Variants in UTRN observed in about 807,000 individuals in gnomAD.
The protein encoded by UTRN is dystrophin-related protein 1.
UTRN carries 283 observed loss-of-function variants against 463.9 expected under a neutral mutation model. The ratio of observed to expected loss-of-function variants is 0.61; its 90% CI spans 0.55 to 0.67. The LOEUF (loss-of-function observed/expected upper bound fraction) is 0.67. Ranked by LOEUF, UTRN falls within the 30% of genes least tolerant of loss-of-function variation. The pLI, the probability that UTRN is intolerant of heterozygous loss-of-function variation, is 0.00. For missense variants in UTRN, 3,922 were observed against 4,084.3 expected, an observed-to-expected ratio of 0.96 and a Z score of 1.08; for synonymous variants, 1,442 against 1,431.5, an observed-to-expected ratio of 1.01 and a Z score of -0.17.
At chr6:144,780,147 A>G (rs1775690013) in intron 60 of UTRN, among the ~76,000 whole-genome samples, 1 of 152,224 alleles carries the variant, frequency 6.6e-6, no homozygotes, top group Non-Finnish European at 1.5e-5. Context: ...AAATGGATAA[A>G]TACAAAGGAA....
intron 51 of UTRN, among the ~76,000 whole-genome samples, chr6:144,637,346 T>C (rs1020715831): frequency 3.3e-5 from 5 of 152,156 alleles, no homozygotes; most frequent in Non-Finnish European, 5.9e-5. Context: ...TACTCTGCCC[T>C]GTACTATCTT....
rs1224302297 is a variant in UTRN, at chr6:144,851,130, C to G, written c.*133C>G. On this transcript the variant is annotated 3_prime_UTR_variant, in exon 75 of 75. Transcript: ENST00000367545. The stretch of plus-strand genomic sequence containing the variant: ...CGATGTTGAGTGCTGACTGTGTGTT[C>G]TACTGAAAGAGTAAAACACTGACTA... 13 of 1,137,160 alleles carry G rather than the reference C, an allele frequency of 1.1e-5. No homozygotes were observed. Among genetic ancestry groups the G allele is most frequent in the Non-Finnish European group, 1.7e-5 (13 of 751,284 alleles). 70.4% of individuals were successfully genotyped at this position (1,137,160 alleles called of 1,614,324 possible).
chr6:144,698,121 T>C (rs1784208075), intron 52 of UTRN, among the ~76,000 whole-genome samples: 1 of 152,208 alleles, frequency 6.6e-6, no homozygotes, highest in Non-Finnish European at 1.5e-5. Context: ...CAAAATGGCT[T>C]AGAACTACAG....
At chr6:144,682,486 TG>T (rs1782301865) in intron 52 of UTRN, among the ~76,000 whole-genome samples, 2 of 152,250 alleles carry the variant, frequency 1.3e-5, no homozygotes, top group African/African-American at 4.8e-5. Context: ...TCCTTTCTTT[TG>T]GGTATATAGC....
chr6:144,329,433 A>G (rs572783524), intron 2 of UTRN, among the ~76,000 whole-genome samples: 287 of 152,296 alleles, frequency 1.9e-3, no homozygotes, highest in African/African-American at 6.1e-3. Flanking sequence ...CCATGCATAC[A>G]GTTACCAAAA....
intron 55 of UTRN, among the ~76,000 whole-genome samples, chr6:144,750,504 T>C (rs1791275141): frequency 6.6e-6 from 1 of 152,160 alleles, no homozygotes; most frequent in South Asian, 2.1e-4. Context: ...GTTCTCACCC[T>C]GACTCTAGTC....
intron 61 of UTRN, among the ~76,000 whole-genome samples, chr6:144,783,431 T>C (rs745760990): frequency 5.9e-5 from 9 of 152,174 alleles, no homozygotes; most frequent in Non-Finnish European, 1.0e-4. Flanking sequence ...CTGGATTTTT[T>C]TTCTATTCCT....
intron 2 of UTRN, among the ~76,000 whole-genome samples, chr6:144,384,374 G>C (rs1415172457): frequency 6.6e-6 from 1 of 152,114 alleles, no homozygotes; most frequent in Admixed American, 6.6e-5. Flanking sequence ...ATTGTGGACT[G>C]TGCATGTGAG....
chr6:144,301,536 C>CTTT (rs200484231), intron 2 of UTRN, among the ~76,000 whole-genome samples: 116 of 92,754 alleles, frequency 1.3e-3, no homozygotes, highest in Non-Finnish European at 2.0e-3. Context: ...TTCTTTCTTT[C>CTTT]TTTTTTTTTT....
chr6:144,466,763 G>A (rs189688696), intron 23 of UTRN, among the ~76,000 whole-genome samples: 49 of 152,180 alleles, frequency 3.2e-4, no homozygotes, highest in African/African-American at 1.1e-3. Flanking sequence ...TTCATATTAC[G>A]TACTTCCTTT....
At chr6:144,632,599 C>A (rs1420270833) in intron 51 of UTRN, among the ~76,000 whole-genome samples, 3 of 152,100 alleles carry the variant, frequency 2.0e-5, no homozygotes, top group Non-Finnish European at 4.4e-5. Context: ...AAACTCCTTT[C>A]TCTGATACCT....
chr6:144,635,530 C>CTTTTTTT (rs1562685915), intron 51 of UTRN, among the ~76,000 whole-genome samples: 21 of 59,074 alleles, frequency 3.6e-4, no homozygotes, highest in South Asian at 1.3e-3. Flanking sequence ...TTTTTTTTTT[C>CTTTTTTT]TTTTCTTTTT....
Position 144,828,852 on chromosome 6 carries a change from G to A in UTRN, c.9662G>A (p.Ser3221Asn). 6.2e-7 allele frequency: 1 copy of A among 1,613,296 alleles called. No homozygotes were observed. The highest frequency in any genetic ancestry group is 8.5e-7 in the Non-Finnish European group (1 of 1,179,516). ...FLTDSSSTTG[S>N]VEDEHALIQQ... ...ACTGATAGCAGCTCCACCACAGGAA[G>A]TGTGTAAGTAAATCATGAAATTAGT... The change falls in exon 69 of 75, where the codon AGT becomes AAT. Residue 3221 changes from serine to asparagine, a missense_variant. Physicochemically the swap from Ser to Asn is conservative, Grantham distance 46. Around this residue, in one of 3 missense-constraint regions of UTRN, gnomAD observed 1,309 missense variants for 1,452.6 expected, o/e 0.90. Transcript: ENST00000367545.
At chr6:144,480,081 A>C (rs2128572929) in intron 26 of UTRN, 99 bp downstream of exon 26, 1 of 1,340,458 alleles carries the variant, frequency 7.5e-7, no homozygotes, top group East Asian at 2.5e-5. Context: ...CACTATGTGC[A>C]TGTAGCATCT....
chr6:144,422,446 A>G (rs1018452676), intron 4 of UTRN, among the ~76,000 whole-genome samples: 1 of 152,164 alleles, frequency 6.6e-6, no homozygotes, highest in African/African-American at 2.4e-5. Flanking sequence ...GTGAAACCCC[A>G]TCTCTACTAA....
chr6:144,743,069 A>G (rs1170901102), intron 54 of UTRN, among the ~76,000 whole-genome samples: 1 of 152,224 alleles, frequency 6.6e-6, no homozygotes, highest in Non-Finnish European at 1.5e-5. Flanking sequence ...TGTCCACTTA[A>G]AAGTGTAAAG....
intron 3 of UTRN, among the ~76,000 whole-genome samples, chr6:144,417,189 C>G (rs1475562750): frequency 6.6e-6 from 1 of 152,070 alleles, no homozygotes; most frequent in African/African-American, 2.4e-5. Flanking sequence ...CTTTGGGGGG[C>G]CACTAAATAT....
intron 53 of UTRN, among the ~76,000 whole-genome samples, chr6:144,713,659 G>A (rs968431435): frequency 6.6e-6 from 1 of 150,570 alleles, no homozygotes. Context: ...AGTGGCTCAT[G>A]CCTGTAATCC....
intron 2 of UTRN, among the ~76,000 whole-genome samples, chr6:144,386,435 G>C (rs1781428567): frequency 6.6e-6 from 1 of 152,116 alleles, no homozygotes; most frequent in African/African-American, 2.4e-5. Flanking sequence ...CTCAAGCCTA[G>C]GTGACAGAGT....
Sources: gnomAD v4.1 joint callset for allele counts (sites outside exome capture counted in the v4.1 genomes callset) on GRCh38, gnomAD v4.1.1 for gene constraint, gnomAD v4.1.1 regional missense constraint, MANE v1.5 for transcripts, NCBI Gene and HGNC (gene_info 2026-07-23, HGNC 2026-07-21) for gene names.